ATF7IP2: variants seen among roughly 807,000 people sequenced by gnomAD.
ATF7IP2 encodes the protein activating transcription factor 7-interacting protein 2.
A neutral mutation model predicts 64.2 loss-of-function variants in ATF7IP2; 42 were observed. The ratio of observed to expected loss-of-function variants is 0.65; its 90% CI spans 0.51 to 0.85. The LOEUF (loss-of-function observed/expected upper bound fraction) is 0.85. Ranked by LOEUF, ATF7IP2 falls within the 40% of genes least tolerant of loss-of-function variation. The pLI is 0.00. For synonymous variants in ATF7IP2, 308 were observed against 272.8 expected, an observed-to-expected ratio of 1.13 and a Z score of -1.27; for missense variants, 933 against 784.2, an observed-to-expected ratio of 1.19 and a Z score of -2.27.
intron 1 of ATF7IP2, among the ~76,000 whole-genome samples, chr16:10,409,788 C>T (rs1052004130): frequency 6.6e-6 from 1 of 152,218 alleles, no homozygotes; most frequent in East Asian, 1.9e-4. Context: ...TTTCATTCTC[C>T]TACATGTGGC....
At chr16:10,447,067 A>C (rs748523026) in intron 8 of ATF7IP2, 2 of 152,184 alleles carry the variant, frequency 1.3e-5, no homozygotes, top group African/African-American at 4.8e-5. Flanking sequence ...GGGACCCCCA[A>C]AGGGCCGCCA....
intron 1 of ATF7IP2, among the ~76,000 whole-genome samples, chr16:10,402,300 A>T (rs1403225842): frequency 6.6e-6 from 1 of 152,090 alleles, no homozygotes; most frequent in Non-Finnish European, 1.5e-5. Context: ...TTTGTCTCAA[A>T]TGTTCTTAAT....
chr16:10,455,476 A>C (rs1226048583), intron 8 of ATF7IP2, among the ~76,000 whole-genome samples: 2 of 152,238 alleles, frequency 1.3e-5, no homozygotes, highest in Non-Finnish European at 2.9e-5. Flanking sequence ...GCTGTGATAA[A>C]ATAAGTCATG....
chr16:10,468,805 G>C (rs2049679607), intron 9 of ATF7IP2, among the ~76,000 whole-genome samples: 2 of 152,194 alleles, frequency 1.3e-5, no homozygotes, highest in African/African-American at 4.8e-5. Flanking sequence ...CATACATCTT[G>C]TTTTCCCCCT....
chr16:10,478,628 G>A (rs2050097286), intron 12 of ATF7IP2, among the ~76,000 whole-genome samples: 1 of 152,062 alleles, frequency 6.6e-6, no homozygotes, highest in African/African-American at 2.4e-5. Context: ...CAAAAGCAAT[G>A]GCAACAAAAG....
intron 1 of ATF7IP2, among the ~76,000 whole-genome samples, chr16:10,412,010 G>GT (rs71133351): frequency 2.6e-4 from 15 of 58,376 alleles, no homozygotes; most frequent in African/African-American, 8.0e-4. Context: ...ATCTTTTTTT[G>GT]TTTTTTTTTT....
chr16:10,420,722 G>A (rs929292851), intron 3 of ATF7IP2, among the ~76,000 whole-genome samples: 3 of 152,182 alleles, frequency 2.0e-5, no homozygotes, highest in African/African-American at 7.2e-5. Flanking sequence ...AATCGTAACT[G>A]AGCATTTTCA....
chr16:10,440,847 C>G (rs1461435170), intron 8 of ATF7IP2, among the ~76,000 whole-genome samples: 2 of 152,138 alleles, frequency 1.3e-5, no homozygotes, highest in African/African-American at 4.8e-5. Flanking sequence ...GTTTGTCAGA[C>G]CCATCAACCT....
At chr16:10,434,696 C>T (rs967965379) in intron 6 of ATF7IP2, among the ~76,000 whole-genome samples, 11 of 152,178 alleles carry the variant, frequency 7.2e-5, no homozygotes, top group Non-Finnish European at 1.6e-4. Flanking sequence ...GTATGGTAAG[C>T]ATGGATCCTA....
Position 10,429,312 on chromosome 16 carries a change from G to A in ATF7IP2, c.-11+296G>A, listed in dbSNP as rs1021623943. Among the ~76,000 whole-genome samples, 4 of 152,130 alleles carry A rather than the reference G, an allele frequency of 2.6e-5. No individual in the cohort carries two copies. In the South Asian group the frequency reaches 6.2e-4, roughly 24 times the overall value. On this transcript the variant is annotated intron_variant, in intron 4 of 13. Transcript: ENST00000562102. ...AGGGTCTTAATTAATGAAGAGTATT[G>A]TGCTGTTTTTTGGATTTATTTAGTA...
intron 8 of ATF7IP2, among the ~76,000 whole-genome samples, chr16:10,444,432 T>G (rs1027029160): frequency 6.6e-6 from 1 of 152,144 alleles, no homozygotes; most frequent in African/African-American, 2.4e-5. Context: ...CAGCTTTTGA[T>G]GAGGACGTAA....
In ATF7IP2 at chr16:10,481,869, C is replaced by G. The variant is rs2050243746; in HGVS notation, c.1669C>G (p.Pro557Ala). Residue 557 changes from proline to alanine, a missense_variant, in exon 14 of 14, where the codon CCA (proline) becomes GCA (alanine). Coordinates refer to ENST00000562102, the MANE Select transcript of ATF7IP2 (RefSeq NM_001393719.1). Reference protein sequence around the residue: ...PESFEHLPPLPEPPAPLPELV... With the variant: ...PESFEHLPPLAEPPAPLPELV... ...GTCCTTTGAGCACCTGCCACCTCTC[C>G]CAGAACCACCAGCACCACTACCTGA... 5.0e-6 allele frequency: 8 copies of G among 1,603,688 alleles called. No individual in the cohort carries two copies. The highest frequency in any genetic ancestry group is 6.8e-6 in the Non-Finnish European group (8 of 1,176,914).
Position 10,431,386 on chromosome 16 carries a change from A to G in ATF7IP2, c.766A>G (p.Arg256Gly). 6.2e-7 allele frequency: 1 copy of G among 1,613,246 alleles called. No individual in the cohort carries two copies. The highest frequency in any genetic ancestry group is 8.5e-7 in the Non-Finnish European group (1 of 1,179,286). ...DDILKTDECS[R>G]TSISNCESAD... ...CATTTTGAAAACTGATGAGTGTAGT[A>G]GAACCAGTATTTCAAATTGTGAAAG... The change falls in exon 5 of 14, where the codon AGA becomes GGA. Residue 256 changes from arginine (R) to glycine (G), a missense_variant. Transcript: ENST00000562102.
intron 9 of ATF7IP2, among the ~76,000 whole-genome samples, chr16:10,470,825 A>G (rs575405303): frequency 2.0e-4 from 28 of 136,892 alleles, no homozygotes; most frequent in South Asian, 7.3e-4. Context: ...GTGTGTGTGT[A>G]TATATATATA....
chr16:10,430,744 A>T lies in ATF7IP2; in HGVS notation c.124A>T (p.Ile42Phe). The T allele has an allele frequency of 1.2e-6, 2 of 1,614,144 alleles. No homozygotes were observed. ...SRNVEALKTA[I>F]GSNVPSGNQS... ...GAATGTTGAAGCGCTGAAAACAGCA[A>T]TTGGGAGTAATGTTCCAAGCGGTAA... Residue 42 changes from isoleucine to phenylalanine, a missense_variant, in exon 5 of 14, where the codon ATT becomes TTT. Coordinates refer to ENST00000562102, the MANE Select transcript of ATF7IP2 (RefSeq NM_001393719.1).
At chr16:10,394,499 C>G (rs562626895) in intron 1 of ATF7IP2, among the ~76,000 whole-genome samples, 10 of 152,290 alleles carry the variant, frequency 6.6e-5, no homozygotes, top group African/African-American at 2.4e-4. Context: ...AGACAAGAGA[C>G]GACTTGAGCA....
chr16:10,427,425 A>C (rs545658301), intron 3 of ATF7IP2, among the ~76,000 whole-genome samples: 1 of 152,316 alleles, frequency 6.6e-6, no homozygotes, highest in African/African-American at 2.4e-5. Flanking sequence ...GACTGTATGG[A>C]TGCAAACTGG....
intron 3 of ATF7IP2, among the ~76,000 whole-genome samples, chr16:10,427,636 A>T (rs1207825440): frequency 6.6e-6 from 1 of 152,190 alleles, no homozygotes; most frequent in Non-Finnish European, 1.5e-5. Context: ...CATGAGGATC[A>T]CTTCAGCCCA....
At chr16:10,386,314 T>G (rs1250265206) in intron 1 of ATF7IP2, 192 bp downstream of exon 1, 2 of 152,278 alleles carry the variant, frequency 1.3e-5, no homozygotes, top group Admixed American at 1.3e-4. Context: ...AAGAGGCCCC[T>G]GAGGGGCGGA....
Sources: allele counts gnomAD v4.1 joint callset (sites outside exome capture counted in the v4.1 genomes callset), GRCh38; gene constraint gnomAD v4.1.1; transcripts MANE v1.5; gene names NCBI Gene and HGNC (gene_info 2026-07-23, HGNC 2026-07-21).